Variants in GUCY1A2 observed in about 807,000 individuals in gnomAD.
GUCY1A2 encodes the protein guanylate cyclase 1 soluble subunit alpha 2, also known as guanylate cyclase soluble subunit alpha-2.
A neutral mutation model predicts 63.5 loss-of-function variants in GUCY1A2; 27 were observed. The ratio of observed to expected loss-of-function variants is 0.43; its 90% confidence interval spans 0.31 to 0.59. GUCY1A2 has a LOEUF of 0.59. GUCY1A2 is among the 20% of genes least tolerant of loss of function. The pLI is 0.11. For missense variants in GUCY1A2, 768 were observed against 913.3 expected, an observed-to-expected ratio of 0.84 and a Z score of 2.05; for synonymous variants, 364 against 343.5, an observed-to-expected ratio of 1.06 and a Z score of -0.66.
chr11:106,951,215 T>C (rs1199442127), intron 3 of GUCY1A2, among the ~76,000 whole-genome samples: 1 of 152,226 alleles, frequency 6.6e-6, no homozygotes, highest in Non-Finnish European at 1.5e-5. Flanking sequence ...TGTGCATGTG[T>C]CTTTATAGTA....
chr11:106,699,175 C>T (rs1862774113), intron 7 of GUCY1A2, among the ~76,000 whole-genome samples: 1 of 152,086 alleles, frequency 6.6e-6, no homozygotes, highest in Non-Finnish European at 1.5e-5. Context: ...AAACTGTGGA[C>T]ATCTAAAAGA....
chr11:106,960,315 A>G (rs7932239), intron 3 of GUCY1A2, among the ~76,000 whole-genome samples: 3,665 of 152,288 alleles, frequency 0.024, 141 homozygotes, highest in African/African-American at 0.084. Flanking sequence ...GAATTTATAT[A>G]GTACTATAAG....
At chr11:106,862,389 A>T (rs977683596) in intron 4 of GUCY1A2, among the ~76,000 whole-genome samples, 3 of 151,992 alleles carry the variant, frequency 2.0e-5, no homozygotes, top group Non-Finnish European at 4.4e-5. Context: ...ATGGTAGCTG[A>T]TATCATCATC....
At chr11:106,721,341 G>A (rs943199617) in intron 6 of GUCY1A2, among the ~76,000 whole-genome samples, 5 of 152,152 alleles carry the variant, frequency 3.3e-5, no homozygotes, top group Non-Finnish European at 7.4e-5. Flanking sequence ...TTACAGGAGT[G>A]AGCCACCGCG....
intron 3 of GUCY1A2, among the ~76,000 whole-genome samples, chr11:106,963,764 C>CT (rs1203730658): frequency 6.6e-6 from 1 of 152,102 alleles, no homozygotes; most frequent in Non-Finnish European, 1.5e-5. Context: ...CTTAAACTCA[C>CT]TTATGTTTGT....
chr11:106,906,762 AG>A (rs1860212661), intron 4 of GUCY1A2, among the ~76,000 whole-genome samples: 1 of 152,222 alleles, frequency 6.6e-6, no homozygotes, highest in Non-Finnish European at 1.5e-5. Flanking sequence ...AGCCATAAAA[AG>A]GATGAGTTCA....
At chr11:106,984,429 G>A (rs1461885452) in intron 2 of GUCY1A2, among the ~76,000 whole-genome samples, 1 of 152,072 alleles carries the variant, frequency 6.6e-6, no homozygotes, top group East Asian at 1.9e-4. Flanking sequence ...TGGATAAAAG[G>A]GAACTCCCTC....
At chr11:106,703,493 G>GAATT (rs1862852534) in intron 7 of GUCY1A2, among the ~76,000 whole-genome samples, 1 of 151,664 alleles carries the variant, frequency 6.6e-6, no homozygotes, top group Admixed American at 6.6e-5. Context: ...GATAGAAGTA[G>GAATT]AATTAGAAAG....
At chr11:106,931,462 T>C (rs370691790) in intron 4 of GUCY1A2, among the ~76,000 whole-genome samples, 66 of 152,266 alleles carry the variant, frequency 4.3e-4, no homozygotes, top group African/African-American at 1.5e-3. Flanking sequence ...AAATTAAACA[T>C]GTACTTACTA....
intron 6 of GUCY1A2, among the ~76,000 whole-genome samples, chr11:106,709,589 A>ATATATTATATACGTG (rs1392966657): frequency 1.2e-5 from 1 of 82,754 alleles, no homozygotes; most frequent in Admixed American, 1.8e-4. Flanking sequence ...ATATATAGTT[A>ATATATTATATACGTG]TATATAATAT....
intron 4 of GUCY1A2, among the ~76,000 whole-genome samples, chr11:106,891,412 T>C (rs1859972573): frequency 6.6e-6 from 1 of 152,156 alleles, no homozygotes; most frequent in African/African-American, 2.4e-5. Flanking sequence ...TTTCACTTTC[T>C]GCCTTTTGAT....
intron 3 of GUCY1A2, among the ~76,000 whole-genome samples, chr11:106,953,199 C>T (rs556867368): frequency 6.6e-6 from 1 of 152,244 alleles, no homozygotes; most frequent in Admixed American, 6.5e-5. Context: ...AGATATGTTC[C>T]ATCAATACCT....
rs1862958816 is a variant in GUCY1A2 at position 106,708,553 on chromosome 11, T to A, written c.1950A>T (p.Gly650=). ...TGACATTGATGCGCCGAGGGTGACTTCCCGACTCGAATTTGCTTGCCAGTG... is the reference window on the plus strand; with the variant it reads ...TGACATTGATGCGCCGAGGGTGACTACCCGACTCGAATTTGCTTGCCAGTG... ...NVTLASKFES[G]SHPRRINVSP... is the part of the protein sequence containing the mutation. The change falls in exon 7 of 8, where the codon GGA becomes GGT. Residue 650 remains glycine (G), a synonymous_variant. Coordinates refer to ENST00000526355, the MANE Select transcript of GUCY1A2 (RefSeq NM_000855.3). 1 of 1,612,634 alleles carries A rather than the reference T, an allele frequency of 6.2e-7. No homozygotes were observed. The highest frequency in any genetic ancestry group is 1.3e-5 in the African/African-American group (1 of 74,716).
At chr11:106,958,150 C>A (rs1334167961) in intron 3 of GUCY1A2, among the ~76,000 whole-genome samples, 1 of 152,078 alleles carries the variant, frequency 6.6e-6, no homozygotes, top group Non-Finnish European at 1.5e-5. Context: ...AAGATGAAAT[C>A]TTATGATTAC....
chr11:106,782,373 C>A (rs1202352528), intron 5 of GUCY1A2, among the ~76,000 whole-genome samples: 1 of 152,142 alleles, frequency 6.6e-6, no homozygotes, highest in Non-Finnish European at 1.5e-5. Context: ...TATAGATAAA[C>A]TTTAAAGATG....
At chr11:106,806,378 G>C (rs1179167474) in intron 5 of GUCY1A2, among the ~76,000 whole-genome samples, 1 of 152,062 alleles carries the variant, frequency 6.6e-6, no homozygotes, top group Non-Finnish European at 1.5e-5. Flanking sequence ...AAATAGCACT[G>C]GAACACTGCA....
chr11:106,734,864 GTCTT>G (rs1863562534), intron 6 of GUCY1A2, among the ~76,000 whole-genome samples: 1 of 152,054 alleles, frequency 6.6e-6, no homozygotes, highest in African/African-American at 2.4e-5. Flanking sequence ...AGGACCCATG[GTCTT>G]TCTTCAAATA....
intron 3 of GUCY1A2, among the ~76,000 whole-genome samples, chr11:106,964,124 C>G (rs79605063): frequency 0.019 from 2,950 of 152,074 alleles, 74 homozygotes; most frequent in African/African-American, 0.065. Context: ...ATCCCTAATA[C>G]TTCCTTGTAT....
intron 5 of GUCY1A2, among the ~76,000 whole-genome samples, chr11:106,805,346 A>G (rs558034512): frequency 4.9e-4 from 75 of 152,076 alleles, no homozygotes; most frequent in African/African-American, 1.8e-3. Flanking sequence ...CCTGGGTTCA[A>G]GCAATTCTCC....
Sources: gnomAD v4.1 joint callset for allele counts (sites outside exome capture counted in the v4.1 genomes callset) on GRCh38, gnomAD v4.1.1 for gene constraint, MANE v1.5 for transcripts, NCBI Gene and HGNC (gene_info 2026-07-23, HGNC 2026-07-21) for gene names.